PHTF2: variants seen among roughly 807,000 people sequenced by gnomAD.
PHTF2 encodes the protein protein PHTF2.
In PHTF2, 60 loss-of-function variants were observed where a neutral mutation model predicts 101.2. The observed-to-expected ratio is 0.59, with a 90% CI of 0.48 to 0.73. PHTF2 has a LOEUF of 0.73. PHTF2 is among the 30% of genes least tolerant of loss of function. PHTF2 has a pLI of 0.00. For missense variants in PHTF2, 747 were observed against 908.7 expected (o/e 0.82, Z 2.29); for synonymous variants, 311 against 307.3 (o/e 1.01, Z -0.13).
At chr7:77,855,185 T>A (rs1797077783) in intron 3 of PHTF2, among the ~76,000 whole-genome samples, 1 of 152,186 alleles carries the variant, frequency 6.6e-6, no homozygotes, top group Non-Finnish European at 1.5e-5. Flanking sequence ...CAGCAGGTGA[T>A]GAATCATGCC....
intron 14 of PHTF2, 37 bp from the exon 14 acceptor site, chr7:77,940,491 C>A: frequency 1.3e-6 from 2 of 1,532,476 alleles, no homozygotes; most frequent in South Asian, 1.3e-5. Context: ...CTGTGGTAAT[C>A]TACTTGAAAA....
intron 13 of PHTF2, among the ~76,000 whole-genome samples, chr7:77,938,554 C>T (rs1411181116): frequency 2.6e-5 from 4 of 151,968 alleles, no homozygotes; most frequent in Admixed American, 2.6e-4. Context: ...CATGGTGAAA[C>T]CCCGTCTCTA....
intron 3 of PHTF2, among the ~76,000 whole-genome samples, chr7:77,879,119 TTAC>T (rs1799190046): frequency 3.3e-5 from 5 of 152,244 alleles, no homozygotes; most frequent in Admixed American, 2.0e-4. Flanking sequence ...ACATTTTATC[TTAC>T]AGACATTGGT....
chr7:77,912,710 CTTTTTTTTTTTTTTTTTTTTTTTT>C (rs536966733), intron 9 of PHTF2, among the ~76,000 whole-genome samples: 7 of 80,466 alleles, frequency 8.7e-5, no homozygotes, highest in Non-Finnish European at 9.6e-5. Context: ...AGAGAACCAC[CTTTTTTTTTTTTTTTTTTTTTTTT>C]TTTTTTTTTT....
At chr7:77,846,546 TCC>T (rs1796297567) in intron 2 of PHTF2, among the ~76,000 whole-genome samples, 1 of 93,546 alleles carries the variant, frequency 1.1e-5, no homozygotes, top group African/African-American at 5.7e-5. Context: ...TCCCTTCCCT[TCC>T]CTCCCCTCCC....
chr7:77,933,686 A>C (rs766727880), intron 12 of PHTF2, among the ~76,000 whole-genome samples: 16 of 151,516 alleles, frequency 1.1e-4, no homozygotes, highest in Non-Finnish European at 2.2e-4. Context: ...GATAACTATA[A>C]GCAGCATAAA....
At chr7:77,885,318 A>G (rs1319963550) in intron 3 of PHTF2, among the ~76,000 whole-genome samples, 4 of 152,148 alleles carry the variant, frequency 2.6e-5, no homozygotes. Flanking sequence ...GCCAGTCTTG[A>G]ACTCCTGGTC....
At chr7:77,921,191 T>C (rs1303873542) in intron 10 of PHTF2, among the ~76,000 whole-genome samples, 2 of 152,252 alleles carry the variant, frequency 1.3e-5, no homozygotes, top group Admixed American at 1.3e-4. Context: ...GGTGTCAACA[T>C]ACCTGTTTTG....
intron 9 of PHTF2, among the ~76,000 whole-genome samples, chr7:77,916,644 A>G (rs112112506): frequency 5.3e-5 from 8 of 151,804 alleles, no homozygotes; most frequent in African/African-American, 1.2e-4. Flanking sequence ...ACCACTCCCA[A>G]CCACCCCCCC....
intron 11 of PHTF2, chr7:77,923,736 A>C (rs1803699700): frequency 9.1e-6 from 9 of 985,100 alleles, no homozygotes; most frequent in Non-Finnish European, 1.1e-5. Context: ...GTACTGTTAG[A>C]AGTCAGTTGG....
Position 77,799,452 on chromosome 7 carries a change from G to A in PHTF2, c.-36+481G>A, listed in dbSNP as rs193277911. Among the ~76,000 whole-genome samples, 364 of 152,298 alleles carry A rather than the reference G, an allele frequency of 2.4e-3. 3 individuals are homozygous for A. The highest frequency in any genetic ancestry group is 0.019 in the Admixed American group (284 of 15,306). On this transcript the variant is annotated intron_variant, in intron 1 of 19. Coordinates refer to ENST00000416283, the Ensembl canonical transcript of PHTF2. ...GGCTCGGGAGGGGGCGGCGGCTCGC[G>A]CGCTGGAGGAGGTGGAAGGAGGGTC...
chr7:77,812,796 A>G (rs888237302), intron 1 of PHTF2, among the ~76,000 whole-genome samples: 4 of 152,024 alleles, frequency 2.6e-5, no homozygotes, highest in African/African-American at 4.8e-5. Flanking sequence ...TCACTGTGTT[A>G]GCCAGGATGG....
intron 18 of PHTF2, among the ~76,000 whole-genome samples, chr7:77,952,726 T>C (rs1284344447): frequency 6.6e-6 from 1 of 152,140 alleles, no homozygotes; most frequent in Non-Finnish European, 1.5e-5. Context: ...CAGAGCAAAG[T>C]ATAAAAATGA....
intron 9 of PHTF2, among the ~76,000 whole-genome samples, chr7:77,914,459 C>T (rs533840531): frequency 6.6e-6 from 1 of 152,260 alleles, no homozygotes; most frequent in South Asian, 2.1e-4. Flanking sequence ...AGAGCGGCAA[C>T]CTTATGATGG....
At chr7:77,833,140 A>G (rs189979877) in intron 1 of PHTF2, among the ~76,000 whole-genome samples, 140 of 152,334 alleles carry the variant, frequency 9.2e-4, no homozygotes, top group Middle Eastern at 6.8e-3. Flanking sequence ...AACACAGAAC[A>G]GGATGAGAAA....
At chr7:77,902,953 TATA>T (rs1801532848) in intron 7 of PHTF2, among the ~76,000 whole-genome samples, 1 of 152,176 alleles carries the variant, frequency 6.6e-6, no homozygotes, top group African/African-American at 2.4e-5. Context: ...TGATTAAAGA[TATA>T]ATAATATTTT....
chr7:77,807,854 C>A (rs972703240), intron 1 of PHTF2, among the ~76,000 whole-genome samples: 1 of 152,024 alleles, frequency 6.6e-6, no homozygotes, highest in Non-Finnish European at 1.5e-5. Flanking sequence ...GGTATTTAAT[C>A]CATTTTGAGT....
intron 3 of PHTF2, among the ~76,000 whole-genome samples, chr7:77,888,877 G>A (rs897163932): frequency 1.3e-5 from 2 of 151,876 alleles, no homozygotes; most frequent in Non-Finnish European, 2.9e-5. Flanking sequence ...AAAAATAAGA[G>A]GGATACAGTA....
intron 9 of PHTF2, among the ~76,000 whole-genome samples, chr7:77,913,933 G>GC (rs1197503576): frequency 6.6e-6 from 1 of 151,938 alleles, no homozygotes; most frequent in Non-Finnish European, 1.5e-5. Context: ...AGGCATAGTG[G>GC]CACGTGCCTG....
Sources: allele counts gnomAD v4.1 joint callset (sites outside exome capture counted in the v4.1 genomes callset), GRCh38; gene constraint gnomAD v4.1.1; transcripts MANE v1.5; gene names NCBI Gene and HGNC (gene_info 2026-07-23, HGNC 2026-07-21).